The following EXOC6 variants were observed in gnomAD, a reference collection of about 807,000 sequenced individuals.
EXOC6 encodes the protein SEC15-like 1.
EXOC6 carries 60 observed loss-of-function variants against 112.5 expected under a neutral mutation model. The ratio of observed to expected loss-of-function variants is 0.53; its 90% confidence interval spans 0.43 to 0.66. EXOC6 has a LOEUF of 0.66. Ranked by LOEUF, EXOC6 falls within the 30% of genes least tolerant of loss-of-function variation. The pLI is 0.00. For missense variants in EXOC6, 855 were observed against 957.1 expected (o/e 0.89, Z 1.41); for synonymous variants, 295 against 308.0 (o/e 0.96, Z 0.44).
intron 13 of EXOC6, among the ~76,000 whole-genome samples, chr10:92,943,402 C>T (rs1317033445): frequency 2.0e-5 from 3 of 152,074 alleles, no homozygotes; most frequent in African/African-American, 7.2e-5. Context: ...AGTGAATTGA[C>T]AACCTAACAA....
intron 19 of EXOC6, among the ~76,000 whole-genome samples, chr10:93,007,616 G>T (rs1844055304): frequency 6.6e-6 from 1 of 152,170 alleles, no homozygotes; most frequent in Non-Finnish European, 1.5e-5. Flanking sequence ...TCACACCACT[G>T]CACTCCAGGC....
chr10:92,840,867 A>C (rs1846822521), intron 1 of EXOC6, among the ~76,000 whole-genome samples: 1 of 151,862 alleles, frequency 6.6e-6, no homozygotes, highest in Non-Finnish European at 1.5e-5. Context: ...CATGTTGTCC[A>C]GGCTGGTCTT....
At chr10:93,041,399 T>C (rs1845769658) in intron 20 of EXOC6, among the ~76,000 whole-genome samples, 1 of 152,164 alleles carries the variant, frequency 6.6e-6, no homozygotes. Flanking sequence ...TGTTTATTTA[T>C]TTATTTATTT....
At chr10:92,975,250 C>T (rs1289423672) in intron 18 of EXOC6, among the ~76,000 whole-genome samples, 15 of 151,778 alleles carry the variant, frequency 9.9e-5, no homozygotes, top group African/African-American at 1.5e-4. Context: ...CGCCTCTACC[C>T]GGCCGCGACC....
chr10:92,915,242 T>A (rs1851014035), intron 6 of EXOC6, among the ~76,000 whole-genome samples: 1 of 152,040 alleles, frequency 6.6e-6, no homozygotes, highest in Admixed American at 6.6e-5. Context: ...ATTTTAAGAC[T>A]GTTTAAAAAG....
intron 12 of EXOC6, among the ~76,000 whole-genome samples, chr10:92,940,434 T>C (rs1852591100): frequency 6.6e-6 from 1 of 152,134 alleles, no homozygotes; most frequent in African/African-American, 2.4e-5. Context: ...TCTTGAATTT[T>C]TTCCTCCAGC....
At chr10:92,979,828 C>T (rs759513435) in intron 18 of EXOC6, among the ~76,000 whole-genome samples, 13 of 141,276 alleles carry the variant, frequency 9.2e-5, no homozygotes, top group South Asian at 2.4e-4. Context: ...GCCCAGGAGG[C>T]GGAGGCTTTA....
intron 1 of EXOC6, among the ~76,000 whole-genome samples, chr10:92,879,245 G>A (rs777606177): frequency 7.2e-5 from 11 of 152,182 alleles, no homozygotes; most frequent in Non-Finnish European, 1.6e-4. Context: ...ACTTTGGAAG[G>A]CTGAGACTGG....
intron 1 of EXOC6, among the ~76,000 whole-genome samples, chr10:92,865,263 G>A (rs1848120547): frequency 6.6e-6 from 1 of 152,082 alleles, no homozygotes; most frequent in Non-Finnish European, 1.5e-5. Context: ...GCTGGGCACG[G>A]TGGCTCACGC....
At chr10:92,834,694 C>T (rs1589666093), upstream of EXOC6, 4 of 1,469,800 alleles carry the variant, frequency 2.7e-6, no homozygotes, top group East Asian at 6.8e-5. Flanking sequence ...GTTTTTCACT[C>T]AATATCTGAC....
At chr10:93,019,240 A>C (rs940051293) in intron 20 of EXOC6, among the ~76,000 whole-genome samples, 1 of 152,166 alleles carries the variant, frequency 6.6e-6, no homozygotes, top group African/African-American at 2.4e-5. Flanking sequence ...TCGGCCTCCC[A>C]AAGTGCTGGG....
chr10:92,872,358 A>C (rs1848495329), intron 1 of EXOC6, among the ~76,000 whole-genome samples: 2 of 152,014 alleles, frequency 1.3e-5, no homozygotes, highest in South Asian at 2.1e-4. Flanking sequence ...TAGTTAGATC[A>C]ATCTGTTTTT....
rs571097632 is a variant in EXOC6, at chr10:92,885,120, C to T, written c.102-8229C>T. Among the ~76,000 whole-genome samples the T allele has an allele frequency of 8.3e-4, 126 of 152,268 alleles. 5 individuals carry two copies. In the South Asian group the frequency reaches 0.017, roughly 21 times the overall value. On this transcript the variant is annotated intron_variant, in intron 1 of 21. Transcript: ENST00000260762. The stretch of plus-strand genomic sequence containing the variant: ...TTCAAGAAAGTATCTCTGCAAGATA[C>T]TTTGTTTAAATTCCCTAAAGCCAAT...
At chr10:92,986,813 T>C (rs1168314560) in intron 18 of EXOC6, among the ~76,000 whole-genome samples, 2 of 152,158 alleles carry the variant, frequency 1.3e-5, no homozygotes, top group African/African-American at 2.4e-5. Context: ...ATGGAATTAA[T>C]GTTTAATCCT....
chr10:92,964,246 T>A (rs983696678), intron 17 of EXOC6, among the ~76,000 whole-genome samples: 4 of 151,756 alleles, frequency 2.6e-5, no homozygotes, highest in Admixed American at 6.6e-5. Context: ...TATATATTTT[T>A]AAAAAATTAT....
chr10:92,924,552 G>A (rs1247319070), intron 8 of EXOC6, among the ~76,000 whole-genome samples: 1 of 152,038 alleles, frequency 6.6e-6, no homozygotes, highest in Non-Finnish European at 1.5e-5. Context: ...TTCATTTTTA[G>A]CAGCATATAC....
chr10:93,016,929 C>T (rs1191360995), intron 20 of EXOC6, among the ~76,000 whole-genome samples: 7 of 151,916 alleles, frequency 4.6e-5, no homozygotes, highest in Non-Finnish European at 1.0e-4. Context: ...TCTCCTGCCT[C>T]AGCCTCCCAA....
At chr10:92,995,841 G>A (rs564194786) in intron 18 of EXOC6, among the ~76,000 whole-genome samples, 9 of 152,174 alleles carry the variant, frequency 5.9e-5, no homozygotes, top group South Asian at 2.1e-4. Flanking sequence ...TTGACATTCC[G>A]TTTCACATAT....
chr10:93,034,458 G>A (rs767195550), intron 20 of EXOC6, among the ~76,000 whole-genome samples: 1 of 152,168 alleles, frequency 6.6e-6, no homozygotes, highest in Non-Finnish European at 1.5e-5. Flanking sequence ...GTTTAGGAAA[G>A]AAGTTCCCAT....
Sources: allele counts gnomAD v4.1 joint callset (sites outside exome capture counted in the v4.1 genomes callset), GRCh38; gene constraint gnomAD v4.1.1; transcripts MANE v1.5; gene names NCBI Gene and HGNC (gene_info 2026-07-23, HGNC 2026-07-21).